SYCP2L: variants seen among roughly 807,000 people sequenced by gnomAD.
SYCP2L encodes the protein synaptonemal complex protein 2-like.
SYCP2L carries 98 observed loss-of-function variants against 125.8 expected under a neutral mutation model. That is an observed-to-expected ratio of 0.78 (90% confidence interval 0.66 to 0.92). The LOEUF is 0.92. SYCP2L is among the 40% of genes least tolerant of loss of function. SYCP2L has a pLI of 0.00. For synonymous variants in SYCP2L, 317 were observed against 325.4 expected (o/e 0.97, Z 0.28); for missense variants, 842 against 936.4 (o/e 0.90, Z 1.32).
chr6:10,893,964 A>G lies in SYCP2L; in HGVS notation c.176A>G (p.Asn59Ser), dbSNP rs1780215517. 2 of 1,612,098 alleles carry G rather than the reference A, an allele frequency of 1.2e-6. No individual in the cohort carries two copies. The highest frequency in any genetic ancestry group is 1.7e-6 in the Non-Finnish European group (2 of 1,179,578). ...QKESHFPQKY[N>S]RLLLYRLDRS... ...GAGAGCCACTTTCCTCAAAAATATAATCGTCTTCTATTATACCGTCTTGAC... is the reference window on the plus strand; with the variant it reads ...GAGAGCCACTTTCCTCAAAAATATAGTCGTCTTCTATTATACCGTCTTGAC... Residue 59 changes from asparagine (N) to serine (S), a missense_variant, in exon 3 of 30, where the codon AAT becomes AGT. Coordinates refer to ENST00000283141, the MANE Select transcript of SYCP2L (RefSeq NM_001040274.3).
At chr6:10,939,122 A>AC (rs1781166393) in intron 21 of SYCP2L, among the ~76,000 whole-genome samples, 1 of 152,048 alleles carries the variant, frequency 6.6e-6, no homozygotes, top group South Asian at 2.1e-4. Context: ...TCCATCTCAA[A>AC]AAAAAAAAGA....
chr6:10,903,336 C>T (rs915138230), intron 8 of SYCP2L, among the ~76,000 whole-genome samples: 13 of 152,270 alleles, frequency 8.5e-5, no homozygotes, highest in African/African-American at 2.9e-4. Flanking sequence ...ATCACGAGGT[C>T]AGGAGATCGA....
chr6:10,925,671 T>C (rs1282395294), intron 15 of SYCP2L, among the ~76,000 whole-genome samples: 1 of 152,176 alleles, frequency 6.6e-6, no homozygotes, highest in Non-Finnish European at 1.5e-5. Context: ...AGCAAAGTGC[T>C]CTGAAAATAG....
At chr6:10,931,279 C>A (rs1283524850) in intron 19 of SYCP2L, among the ~76,000 whole-genome samples, 161 bp from the exon 20 acceptor site, 1 of 152,142 alleles carries the variant, frequency 6.6e-6, no homozygotes, top group Non-Finnish European at 1.5e-5. Flanking sequence ...TGGTGAGGAA[C>A]AAGGTTGAAT....
rs1282421443 is a variant in SYCP2L, at chr6:10,910,139, G to A, written c.820-9G>A. Reference sequence around the variant, plus strand: ...TTTTTAATAAAAGTTTATATCATTTGCTTTGAAGGACAGTAGACGTTTTCT... The same window carrying A: ...TTTTTAATAAAAGTTTATATCATTTACTTTGAAGGACAGTAGACGTTTTCT... On this transcript the variant is annotated splice_polypyrimidine_tract_variant and intron_variant, in intron 10 of 29. Coordinates refer to ENST00000283141, the MANE Select transcript of SYCP2L (RefSeq NM_001040274.3). 2.5e-6 allele frequency: 4 copies of A among 1,611,768 alleles called. No homozygotes were observed. The highest frequency in any genetic ancestry group is 3.4e-6 in the Non-Finnish European group (4 of 1,178,538).
chr6:10,927,887 C>T (rs994643602), intron 17 of SYCP2L, among the ~76,000 whole-genome samples: 7 of 152,264 alleles, frequency 4.6e-5, no homozygotes, highest in African/African-American at 1.4e-4. Context: ...CCCTCAGGGG[C>T]GCATTCTCTT....
intron 19 of SYCP2L, among the ~76,000 whole-genome samples, chr6:10,930,837 G>A (rs990928505): frequency 5.3e-5 from 8 of 152,202 alleles, no homozygotes; most frequent in Non-Finnish European, 8.8e-5. Context: ...TTGGAAAAAA[G>A]AATAGAATGT....
chr6:10,887,675 G>A (rs1047294791), intron 1 of SYCP2L, among the ~76,000 whole-genome samples: 1 of 152,124 alleles, frequency 6.6e-6, no homozygotes, highest in Non-Finnish European at 1.5e-5. Flanking sequence ...TTCTGCCTGG[G>A]TTCCTGGTGG....
At chr6:10,955,324 T>A in intron 24 of SYCP2L, 107 bp downstream of exon 24, 1 of 662,066 alleles carries the variant, frequency 1.5e-6, no homozygotes, top group Non-Finnish European at 2.6e-6. Flanking sequence ...AAGATCATAG[T>A]AGCTACAAAA....
At chr6:10,926,281 A>AT (rs1012429766) in intron 15 of SYCP2L, 58 bp from the exon 16 acceptor site, 89,089 of 909,918 alleles carry the variant, frequency 0.098, no homozygotes, top group South Asian at 0.13. Context: ...TTTTCCTTAA[A>AT]TTTTTTTTTT....
intron 14 of SYCP2L, 36 bp from the exon 15 acceptor site, chr6:10,924,460 T>C: frequency 6.8e-7 from 1 of 1,473,522 alleles, no homozygotes; most frequent in Non-Finnish European, 9.0e-7. Context: ...CATTGAAGTA[T>C]GTTGCTATGC....
intron 29 of SYCP2L, among the ~76,000 whole-genome samples, chr6:10,966,413 A>G (rs1302634837): frequency 6.6e-6 from 1 of 152,222 alleles, no homozygotes; most frequent in Non-Finnish European, 1.5e-5. Context: ...AGTATGATAA[A>G]TCTCAGTCCA....
Position 10,907,560 on chromosome 6 carries a change from C to T in SYCP2L, c.695C>T (p.Ala232Val). The T allele has an allele frequency of 6.2e-7, 1 of 1,611,860 alleles. No homozygotes were observed. The change falls in exon 10 of 30, where the codon GCT becomes GTT. Residue 232 changes from alanine (A) to valine (V), a missense_variant. Ala to Val is a moderately conservative substitution (Grantham distance 64). Transcript: ENST00000283141. ...LTVGDYDQQV[A>V]ISEALCRLTI... Reference sequence around the variant, plus strand: ...TCTCTAGATTATGACCAGCAGGTTGCTATTTCTGAAGCGCTGTGTAGACTG... The same window carrying T: ...TCTCTAGATTATGACCAGCAGGTTGTTATTTCTGAAGCGCTGTGTAGACTG...
At chr6:10,909,116 ATTTTTTTT>A (rs67767345) in intron 10 of SYCP2L, among the ~76,000 whole-genome samples, 81 of 94,856 alleles carry the variant, frequency 8.5e-4, no homozygotes, top group South Asian at 2.6e-3. Flanking sequence ...TCTCAATTGA[ATTTTTTTT>A]TTTTTTTTTT....
At chr6:10,927,886 G>A (rs1019754489) in intron 17 of SYCP2L, among the ~76,000 whole-genome samples, 3 of 152,116 alleles carry the variant, frequency 2.0e-5, no homozygotes, top group African/African-American at 7.2e-5. Flanking sequence ...ACCCTCAGGG[G>A]CGCATTCTCT....
intron 20 of SYCP2L, among the ~76,000 whole-genome samples, chr6:10,932,079 T>G (rs1367836420): frequency 1.3e-5 from 2 of 151,076 alleles, no homozygotes. Flanking sequence ...TCCAATTTCC[T>G]GCAAATTTAC....
chr6:10,909,116 A>ATTTTTTTTTTTTTTTTTTTTTTTTTTTT, intron 10 of SYCP2L, among the ~76,000 whole-genome samples: 1 of 94,878 alleles, frequency 1.1e-5, no homozygotes, highest in Non-Finnish European at 2.0e-5. Flanking sequence ...TCTCAATTGA[A>ATTTTTTTTTTTTTTTTTTTTTTTTTTTT]TTTTTTTTTT....
intron 4 of SYCP2L, among the ~76,000 whole-genome samples, chr6:10,895,014 C>T (rs1780233323): frequency 6.6e-6 from 1 of 152,206 alleles, no homozygotes; most frequent in African/African-American, 2.4e-5. Context: ...GAAGCTACCC[C>T]CTCAGGAGAG....
intron 18 of SYCP2L, among the ~76,000 whole-genome samples, chr6:10,928,944 G>A (rs1286774929): frequency 1.4e-5 from 2 of 146,736 alleles, no homozygotes; most frequent in Admixed American, 6.8e-5. Flanking sequence ...ACTGAGTTTC[G>A]CTAATGGCAC....
Sources: gnomAD v4.1 joint callset for allele counts (sites outside exome capture counted in the v4.1 genomes callset) on GRCh38, gnomAD v4.1.1 for gene constraint, MANE v1.5 for transcripts, NCBI Gene and HGNC (gene_info 2026-07-23, HGNC 2026-07-21) for gene names.